C1GALT1: variants seen among roughly 807,000 people sequenced by gnomAD.
C1GALT1 encodes glycoprotein-N-acetylgalactosamine 3-beta-galactosyltransferase 1.
In C1GALT1, 11 loss-of-function variants were observed where a neutral mutation model predicts 31.0. The ratio of observed to expected loss-of-function variants is 0.36; its 90% CI spans 0.22 to 0.59. The LOEUF (loss-of-function observed/expected upper bound fraction) is 0.59, where lower values mean the gene tolerates loss of function less well. C1GALT1 is among the 20% of genes least tolerant of loss of function. C1GALT1 has a pLI of 0.79. For missense variants in C1GALT1, 424 were observed against 425.2 expected, an observed-to-expected ratio of 1.00 and a Z score of 0.03; for synonymous variants, 175 against 143.6, an observed-to-expected ratio of 1.22 and a Z score of -1.56.
At position 7,247,252 on chromosome 7, in the gene C1GALT1, G is replaced by A. The variant is rs1464522043; in HGVS notation, c.*3525G>A. On this transcript the variant is annotated 3_prime_UTR_variant, in exon 4 of 4. Transcript: ENST00000436587. The stretch of plus-strand genomic sequence containing the variant: ...TAAAACCAGATTTCATGATGATGAT[G>A]TATTCACTATCTTTTAGATTAAGAT... 1 of 152,092 alleles carries A rather than the reference G, an allele frequency of 6.6e-6. No individual in the cohort carries two copies. Among genetic ancestry groups the A allele is most frequent in the African/African-American group, 2.4e-5 (1 of 41,428 alleles). 9.4% of individuals were successfully genotyped at this position (152,092 alleles called of 1,614,324 possible). A position where few individuals can be genotyped will look rare whatever the true frequency, so the allele number is the denominator to read the frequency against.
intron 1 of C1GALT1, among the ~76,000 whole-genome samples, chr7:7,233,796 A>G (rs941916882): frequency 1.3e-5 from 2 of 152,206 alleles, no homozygotes; most frequent in Non-Finnish European, 2.9e-5. Context: ...ACAAGCTACA[A>G]GTGTTTTTTT....
chr7:7,171,624 C>G (rs1780455122), intron 2 of C1GALT1, among the ~76,000 whole-genome samples: 1 of 152,034 alleles, frequency 6.6e-6, no homozygotes, highest in Non-Finnish European at 1.5e-5. Context: ...CATTTTGATA[C>G]TTGTTTTCTG....
rs755857817 is a variant in C1GALT1 at position 7,245,053 on chromosome 7, G to C, written c.*1326G>C. 6.6e-6 allele frequency: 1 copy of C among 152,308 alleles called. No individual in the cohort carries two copies. Among genetic ancestry groups the C allele is most frequent in the African/African-American group, 2.4e-5 (1 of 41,582 alleles). The allele number at this position is 152,308 out of a possible 1,614,324, so 9.4% of individuals were successfully genotyped here. A position where few individuals can be genotyped will look rare whatever the true frequency, so the allele number is the denominator to read the frequency against. On this transcript the variant is annotated 3_prime_UTR_variant, in exon 4 of 4. Transcript: ENST00000436587. ...TGTTTAAAGAGTTTCTGAAAGGAAA[G>C]AAATTTTTTATTTTTATTATCTTTA...
At chr7:7,239,919 G>A (rs1783546132) in intron 3 of C1GALT1, among the ~76,000 whole-genome samples, 1 of 152,098 alleles carries the variant, frequency 6.6e-6, no homozygotes, top group Non-Finnish European at 1.5e-5. Flanking sequence ...ACTATTATAA[G>A]CATTGCTTCA....
At chr7:7,208,119 G>A (rs1453116638) in intron 1 of C1GALT1, among the ~76,000 whole-genome samples, 1 of 152,084 alleles carries the variant, frequency 6.6e-6, no homozygotes, top group South Asian at 2.1e-4. Context: ...TTACTCACCC[G>A]ATAGTCACTT....
intron 1 of C1GALT1, among the ~76,000 whole-genome samples, chr7:7,217,492 C>T (rs748379856): frequency 3.9e-5 from 6 of 152,160 alleles, no homozygotes; most frequent in Non-Finnish European, 7.4e-5. Context: ...GCCACCTGCA[C>T]CTGGCAGTGG....
intron 1 of C1GALT1, among the ~76,000 whole-genome samples, chr7:7,200,396 C>T (rs185919742): frequency 6.6e-6 from 1 of 152,222 alleles, no homozygotes; most frequent in Non-Finnish European, 1.5e-5. Context: ...TGTAGAGTTT[C>T]TGCAGAGAGA....
chr7:7,208,384 C>T (rs1301618811), intron 1 of C1GALT1, among the ~76,000 whole-genome samples: 3 of 151,976 alleles, frequency 2.0e-5, no homozygotes, highest in African/African-American at 7.3e-5. Context: ...AAACATAGTA[C>T]GTGTAAGGTT....
intron 2 of C1GALT1, among the ~76,000 whole-genome samples, chr7:7,166,761 C>T (rs979819901): frequency 2.6e-5 from 4 of 152,196 alleles, no homozygotes; most frequent in African/African-American, 9.6e-5. Context: ...CTAATGCCTA[C>T]CACAGAGGGT....
At chr7:7,200,550 T>C (rs1483164098) in intron 1 of C1GALT1, among the ~76,000 whole-genome samples, 1 of 152,190 alleles carries the variant, frequency 6.6e-6, no homozygotes, top group Admixed American at 6.5e-5. Flanking sequence ...CCTGCCTCGC[T>C]AGATTGGGGG....
At chr7:7,234,810 G>T in intron 2 of C1GALT1, 1 of 249,952 alleles carries the variant, frequency 4.0e-6, no homozygotes, top group Non-Finnish European at 7.6e-6. Flanking sequence ...TTCTGAAAAT[G>T]TTTTTCTAGG....
At chr7:7,220,528 T>TC (rs1782462438) in intron 1 of C1GALT1, among the ~76,000 whole-genome samples, 1 of 151,716 alleles carries the variant, frequency 6.6e-6, no homozygotes, top group South Asian at 2.1e-4. Flanking sequence ...TCTTTATTCT[T>TC]TTTTTTTTGA....
chr7:7,192,291 C>A (rs769684913), intron 1 of C1GALT1, among the ~76,000 whole-genome samples: 2 of 151,932 alleles, frequency 1.3e-5, no homozygotes, highest in African/African-American at 2.4e-5. Flanking sequence ...ATCCCTCACC[C>A]CCTCCCACCC....
chr7:7,167,937 A>AT (rs1030474032), intron 2 of C1GALT1, among the ~76,000 whole-genome samples: 19 of 151,806 alleles, frequency 1.3e-4, no homozygotes, highest in Non-Finnish European at 4.4e-5. Context: ...CTTCTACTCC[A>AT]TTTTTTTCAA....
At chr7:7,231,267 C>T (rs548981874) in intron 1 of C1GALT1, among the ~76,000 whole-genome samples, 3 of 152,122 alleles carry the variant, frequency 2.0e-5, no homozygotes, top group African/African-American at 7.2e-5. Flanking sequence ...CCTTGGTTTT[C>T]AGTAGTTTGA....
intron 1 of C1GALT1, chr7:7,183,615 A>G: frequency 8.1e-6 from 8 of 983,692 alleles, no homozygotes; most frequent in Non-Finnish European, 9.7e-6. Flanking sequence ...CACTCTTAAA[A>G]GATGACCATA....
intron 1 of C1GALT1, among the ~76,000 whole-genome samples, chr7:7,207,947 G>T (rs149655026): frequency 6.6e-6 from 1 of 152,222 alleles, no homozygotes; most frequent in East Asian, 1.9e-4. Context: ...TGAAGTTTCA[G>T]TTATGGTCAA....
intron 1 of C1GALT1, among the ~76,000 whole-genome samples, chr7:7,184,920 A>C (rs921809411): frequency 6.6e-6 from 1 of 152,224 alleles, no homozygotes; most frequent in Non-Finnish European, 1.5e-5. Flanking sequence ...TAAAAGAAGA[A>C]AGGTGGGGAG....
rs1783452706 is a variant in C1GALT1, at chr7:7,238,162, T to C, written c.221-93T>C. On this transcript the variant is annotated intron_variant, in intron 2 of 3. Transcript: ENST00000436587. The surrounding 1 kb of genome is among the most constrained non-coding windows in gnomAD (Gnocchi z 5.2). ...ACTAATAGAGGGATAAATAGGGACT[T>C]TGAAATTAGGACAGTGCTTTCTTCA... 1 of 1,247,928 alleles carries C rather than the reference T, an allele frequency of 8.0e-7. No homozygotes were observed. The highest frequency in any genetic ancestry group is 1.1e-6 in the Non-Finnish European group (1 of 913,196). 77.3% of individuals were successfully genotyped at this position (1,247,928 alleles called of 1,614,324 possible). A position where few individuals can be genotyped will look rare whatever the true frequency, so the allele number is the denominator to read the frequency against.
Sources: allele counts gnomAD v4.1 joint callset (sites outside exome capture counted in the v4.1 genomes callset), GRCh38; gene constraint gnomAD v4.1.1; non-coding constraint Gnocchi (gnomAD v3.1); transcripts MANE v1.5; gene names NCBI Gene and HGNC (gene_info 2026-07-23, HGNC 2026-07-21).